The following FAM174C variants were observed in gnomAD, a reference collection of about 807,000 sequenced individuals.
The protein encoded by FAM174C is family with sequence similarity 174 member C, also known as protein FAM174C.
Under a neutral mutation model 12.3 loss-of-function variants are expected in FAM174C, and 19 were observed. The observed-to-expected ratio is 1.55, with a 90% CI of 1.08 to 2.27. The LOEUF is 2.27. Among genes scored for constraint, FAM174C ranks in the 30% most tolerant of loss-of-function variants. The pLI, the probability that FAM174C is intolerant of heterozygous loss-of-function variation, is 0.00. For missense variants in FAM174C, 239 were observed against 190.2 expected, an observed-to-expected ratio of 1.26 and a Z score of -1.51; for synonymous variants, 147 against 103.5, an observed-to-expected ratio of 1.42 and a Z score of -2.55.
In FAM174C at chr19:1,277,211, G is replaced by A. The variant is rs750522767; in HGVS notation, c.310G>A (p.Gly104Ser). 3.0e-5 allele frequency: 46 copies of A among 1,546,906 alleles called. No homozygotes were observed. The highest frequency in any genetic ancestry group is 1.7e-4 in the Middle Eastern group (1 of 6,002). Reference sequence around the variant, plus strand: ...GAAGAAGCCTCAGCGGAGGCGATACGGCCTCCTCGCCAACACTGAGGACCC... The same window carrying A: ...GAAGAAGCCTCAGCGGAGGCGATACAGCCTCCTCGCCAACACTGAGGACCC... ...RLKKPQRRRYGLLANTEDPTE... is the reference protein window; with the variant it reads ...RLKKPQRRRYSLLANTEDPTE... The change falls in exon 2 of 3, where the codon GGC becomes AGC. Residue 104 changes from glycine to serine, a missense_variant. Transcript: ENST00000409293.
chr19:1,277,325 GCCTC>G, intron 2 of FAM174C, 26 bp downstream of exon 2: 1 of 1,528,612 alleles, frequency 6.5e-7, no homozygotes. Flanking sequence ...CAGCTCTGGG[GCCTC>G]GGTGGGCAGG....
At position 1,278,597 on chromosome 19, in the gene FAM174C, G is replaced by A. The variant is rs1051423294; in HGVS notation, c.*-180G>A. Among the ~76,000 whole-genome samples, 7 of 102,756 alleles carry A rather than the reference G, an allele frequency of 6.8e-5. No homozygotes were observed. In the East Asian group the frequency reaches 2.5e-3, roughly 37 times the overall value. 67.4% of individuals were successfully genotyped at this position (102,756 alleles called of 152,430 possible). ...CTCCTGGCTGGGGGCCCCTTCCCCC[G>A]GAGTGGGCAGTTGCACAGGGCCCAG... On this transcript the variant is annotated intron_variant, in intron 2 of 2. Coordinates refer to ENST00000409293, the MANE Select transcript of FAM174C (RefSeq NM_017914.4).
chr19:1,275,645 G>T lies in FAM174C; in HGVS notation c.96G>T (p.Leu32=), dbSNP rs962386444. 17 of 1,389,716 alleles carry T rather than the reference G, an allele frequency of 1.2e-5. No homozygotes were observed. In the African/African-American group the frequency reaches 2.6e-4, roughly 21 times the overall value. The allele number at this position is 1,389,716 out of a possible 1,614,324, so 86.1% of individuals were successfully genotyped here. A position where few individuals can be genotyped will look rare whatever the true frequency, so the allele number is the denominator to read the frequency against. Residue 32 remains leucine, a synonymous_variant, in exon 1 of 3, where the codon CTG becomes CTT. Coordinates refer to ENST00000409293, the MANE Select transcript of FAM174C (RefSeq NM_017914.4). Reference sequence around the variant, plus strand: ...GCGGTGCCGAAGAGGCCTCGCCGCTGCGCCCCGCGCAGGTCACGTTGTCGC... The same window carrying T: ...GCGGTGCCGAAGAGGCCTCGCCGCTTCGCCCCGCGCAGGTCACGTTGTCGC... The part of the protein sequence containing the change: ...LPCGAEEASP[L]RPAQVTLSPP...
chr19:1,276,601 C>T (rs1489750887), intron 1 of FAM174C: 2 of 152,406 alleles, frequency 1.3e-5, no homozygotes, highest in Non-Finnish European at 2.9e-5. Context: ...CGCCATGTTA[C>T]CCGCGCTGGT....
intron 2 of FAM174C, among the ~76,000 whole-genome samples, 199 bp from the exon 3 acceptor site, chr19:1,278,578 G>T (rs1288872299): frequency 1.3e-5 from 2 of 150,592 alleles, no homozygotes; most frequent in Non-Finnish European, 1.5e-5. Context: ...CTACCTCCTG[G>T]CTGGGGGCCC....
chr19:1,275,939 C>G, intron 1 of FAM174C, 109 bp downstream of exon 1: 1 of 1,007,862 alleles, frequency 9.9e-7, no homozygotes, highest in Non-Finnish European at 1.4e-6. Flanking sequence ...TCCCTCCCTC[C>G]CTCTCTCCCT....
At position 1,278,876 on chromosome 19, in the gene FAM174C, C is replaced by G; in HGVS notation, c.*99C>G. 6.2e-7 allele frequency: 1 copy of G among 1,613,082 alleles called. No individual in the cohort carries two copies. Among genetic ancestry groups the G allele is most frequent in the South Asian group, 1.1e-5 (1 of 91,088 alleles). ...GCAACCCCCTGCTCCACCGCTCATT[C>G]CCCTGCTGGCCCCGGGGCTGGTCTC... On this transcript the variant is annotated 3_prime_UTR_variant, in exon 3 of 3. Transcript: ENST00000409293.
Position 1,275,988 on chromosome 19 carries a change from C to A in FAM174C, c.281+158C>A, listed in dbSNP as rs12979308. On this transcript the variant is annotated intron_variant, in intron 1 of 2. Transcript: ENST00000409293. ...TGGGCGGTGCTGTGCGGGGTCGTCA[C>A]GTGGTGTGGGCGGTGCAGGGGCCAC... The A allele has an allele frequency of 9.8e-6, 7 of 711,510 alleles. No homozygotes were observed. In the African/African-American group the frequency reaches 1.3e-4, roughly 14 times the overall value. 44.1% of individuals were successfully genotyped at this position (711,510 alleles called of 1,614,324 possible).
Position 1,275,741 on chromosome 19 carries a change from G to A in FAM174C, c.192G>A (p.Gly64=), listed in dbSNP as rs780942979. ...ACAGCACGCACACGCGTCCGCCGGG[G>A]GCGTCGGGCTCGGCGCTGACGCGCT... ...PHNSTHTRPP[G]ASGSALTRSF... Residue 64 remains glycine, a synonymous_variant, in exon 1 of 3, where the codon GGG becomes GGA. Coordinates refer to ENST00000409293, the MANE Select transcript of FAM174C (RefSeq NM_017914.4). 8 of 1,534,864 alleles carry A rather than the reference G, an allele frequency of 5.2e-6. No individual in the cohort carries two copies. Among genetic ancestry groups the A allele is most frequent in the Non-Finnish European group, 5.2e-6 (6 of 1,144,490 alleles).
chr19:1,276,207 C>T (rs776252611), intron 1 of FAM174C: 77 of 252,172 alleles, frequency 3.1e-4, no homozygotes, highest in Non-Finnish European at 2.9e-4. Context: ...TCGTTCTCAT[C>T]TTCCCGCCTG....
At position 1,278,890 on chromosome 19, in the gene FAM174C, G is replaced by A. The variant is rs139509970; in HGVS notation, c.*113G>A. ...CACCGCTCATTCCCCTGCTGGCCCC[G>A]GGGCTGGTCTCACCCAGTGCCAACC... is the stretch of plus-strand genomic sequence containing the variant. On this transcript the variant is annotated 3_prime_UTR_variant, in exon 3 of 3. Coordinates refer to ENST00000409293, the MANE Select transcript of FAM174C (RefSeq NM_017914.4). The A allele has an allele frequency of 8.1e-6, 13 of 1,612,914 alleles. No individual in the cohort carries two copies. The highest frequency in any genetic ancestry group is 4.0e-5 in the African/African-American group (3 of 74,910).
Position 1,278,925 on chromosome 19 carries a change from C to T in FAM174C, c.*148C>T, listed in dbSNP as rs2081427696. ...TCACCCAGTGCCAACCCGAGAGCTC[C>T]TTTTGGAACCTGCACAGCCCGCCGA... On this transcript the variant is annotated 3_prime_UTR_variant, in exon 3 of 3. Transcript: ENST00000409293. The T allele has an allele frequency of 1.2e-6, 2 of 1,613,098 alleles. No individual in the cohort carries two copies. Among genetic ancestry groups the T allele is most frequent in the African/African-American group, 1.3e-5 (1 of 74,924 alleles).
chr19:1,278,810 C>T lies in FAM174C; in HGVS notation c.*33C>T, dbSNP rs941473741. ...CCAGGGAGGCGGCCCTTCCAGCAGC[C>T]ATGAGGGAAGGACAGGAGATGGGGC... On this transcript the variant is annotated 3_prime_UTR_variant, in exon 3 of 3. Coordinates refer to ENST00000409293, the MANE Select transcript of FAM174C (RefSeq NM_017914.4). The T allele has an allele frequency of 1.9e-6, 3 of 1,613,034 alleles. No homozygotes were observed. The East Asian group carries it at 6.7e-5, about 36-fold the overall frequency.
At chr19:1,277,580 C>T (rs1471068101) in intron 2 of FAM174C, among the ~76,000 whole-genome samples, 1 of 152,190 alleles carries the variant, frequency 6.6e-6, no homozygotes, top group Admixed American at 6.5e-5. Context: ...AGGCGATTTT[C>T]CTGCCACAGC....
rs182664213 is a variant in FAM174C, at chr19:1,275,723, G to A, written c.174G>A (p.Thr58=). Residue 58 remains threonine (T), a synonymous_variant, in exon 1 of 3, where the codon ACG becomes ACA. Coordinates refer to ENST00000409293, the MANE Select transcript of FAM174C (RefSeq NM_017914.4). ...AGCCGGGCGCGCCACACAACAGCAC[G>A]CACACGCGTCCGCCGGGGGCGTCGG... ...GSQPGAPHNS[T]HTRPPGASGS... 3,167 of 1,532,550 alleles carry A rather than the reference G, an allele frequency of 2.1e-3. No homozygotes were observed. The highest frequency in any genetic ancestry group is 3.9e-3 in the Admixed American group (194 of 50,334). 94.9% of individuals were successfully genotyped at this position (1,532,550 alleles called of 1,614,324 possible). A position where few individuals can be genotyped will look rare whatever the true frequency, so the allele number is the denominator to read the frequency against.
At position 1,275,819 on chromosome 19, in the gene FAM174C, C is replaced by G. The variant is rs948634477; in HGVS notation, c.270C>G (p.Ile90Met). The G allele has an allele frequency of 3.3e-6, 5 of 1,537,076 alleles. No homozygotes were observed. Among genetic ancestry groups the G allele is most frequent in the African/African-American group, 1.4e-5 (1 of 72,858 alleles). Residue 90 changes from isoleucine (I) to methionine (M), a missense_variant, in exon 1 of 3, where the codon ATC (isoleucine) becomes ATG (methionine). Transcript: ENST00000409293. Reference protein sequence around the residue: ...FCGLTALYFLIRAFRLKKPQR... With the variant: ...FCGLTALYFLMRAFRLKKPQR... ...GCCTGACCGCGCTCTACTTCCTGAT[C>G]CGGGCGTTTAGGTGCGTCAGGCGCA... is the stretch of plus-strand genomic sequence containing the variant.
chr19:1,275,537 C>A lies in FAM174C; in HGVS notation c.-13C>A, dbSNP rs1239821785. 1.7e-6 allele frequency: 2 copies of A among 1,205,418 alleles called. No homozygotes were observed. Among genetic ancestry groups the A allele is most frequent in the African/African-American group, 1.6e-5 (1 of 63,148 alleles). 74.7% of individuals were successfully genotyped at this position (1,205,418 alleles called of 1,614,324 possible). A position where few individuals can be genotyped will look rare whatever the true frequency, so the allele number is the denominator to read the frequency against. ...GCATAGGGGCGGGGCGCCGCCACCG[C>A]TTCCGCCGGGCCATGGGGCCGCGCG... On this transcript the variant is annotated 5_prime_UTR_variant, in exon 1 of 3. Coordinates refer to ENST00000409293, the MANE Select transcript of FAM174C (RefSeq NM_017914.4).
chr19:1,279,215 G>C lies in FAM174C; in HGVS notation c.*438G>C, dbSNP rs376256874. The C allele has an allele frequency of 1.2e-6, 2 of 1,605,432 alleles. No individual in the cohort carries two copies. Among genetic ancestry groups the C allele is most frequent in the Non-Finnish European group, 1.7e-6 (2 of 1,175,702 alleles). ...CGCCGGGCTGGGAACAATAAATGCA[G>C]CCATGTCTCTGCAGCTGGTGCTGAC... is the stretch of plus-strand genomic sequence containing the variant. On this transcript the variant is annotated 3_prime_UTR_variant, in exon 3 of 3. Transcript: ENST00000409293.
At chr19:1,277,330 G>T (rs1272175988) in intron 2 of FAM174C, 31 bp downstream of exon 2, 4 of 1,527,646 alleles carry the variant, frequency 2.6e-6, no homozygotes, top group Admixed American at 4.0e-5. Context: ...CTGGGGCCTC[G>T]GTGGGCAGGC....
Sources: allele counts gnomAD v4.1 joint callset (sites outside exome capture counted in the v4.1 genomes callset), GRCh38; gene constraint gnomAD v4.1.1; transcripts MANE v1.5; gene names NCBI Gene and HGNC (gene_info 2026-07-23, HGNC 2026-07-21).